DPP6: variants seen among roughly 807,000 people sequenced by gnomAD.
The protein encoded by DPP6 is dipeptidyl peptidase like 6.
A neutral mutation model predicts 122.6 loss-of-function variants in DPP6; 69 were observed. The observed-to-expected ratio is 0.56, with a 90% confidence interval of 0.46 to 0.69. DPP6 has a LOEUF of 0.69. Ranked by LOEUF, DPP6 falls within the 30% of genes least tolerant of loss-of-function variation. The pLI, the probability that DPP6 is intolerant of heterozygous loss-of-function variation, is 0.00. For synonymous variants in DPP6, 418 were observed against 433.1 expected (o/e 0.97, Z 0.43); for missense variants, 928 against 1,116.9 (o/e 0.83, Z 2.41).
At chr7:154,639,383 C>A (rs1489048677) in intron 6 of DPP6, among the ~76,000 whole-genome samples, 1 of 152,212 alleles carries the variant, frequency 6.6e-6, no homozygotes, top group East Asian at 1.9e-4. Context: ...TTATCCCATT[C>A]TTTCCCAAGC....
intron 1 of DPP6, among the ~76,000 whole-genome samples, chr7:154,061,460 A>G (rs1471614587): frequency 1.4e-5 from 2 of 146,972 alleles, no homozygotes; most frequent in Non-Finnish European, 3.0e-5. Context: ...TTGCTAAAGG[A>G]TGGCCCCCCT....
intron 1 of DPP6, among the ~76,000 whole-genome samples, chr7:154,308,437 A>G (rs1806566400): frequency 6.6e-6 from 1 of 152,174 alleles, no homozygotes; most frequent in African/African-American, 2.4e-5. Context: ...TTCTCTTTGG[A>G]GATGCTAAAG....
At chr7:153,922,637 C>T (rs976439315) in intron 1 of DPP6, among the ~76,000 whole-genome samples, 1 of 152,056 alleles carries the variant, frequency 6.6e-6, no homozygotes, top group African/African-American at 2.4e-5. Context: ...AATGGTATAC[C>T]ATATTTTAAT....
At chr7:154,331,791 T>C (rs923939807) in intron 1 of DPP6, among the ~76,000 whole-genome samples, 1 of 152,176 alleles carries the variant, frequency 6.6e-6, no homozygotes, top group Non-Finnish European at 1.5e-5. Flanking sequence ...TGCCAAAGAA[T>C]ACAGCCACTT....
In DPP6 at chr7:154,093,632, C is replaced by CACACACACACA. The variant is rs746381906; in HGVS notation, c.243+40569_243+40570insACACACACACA. 197 of 128,228 alleles carry CACACACACACA rather than the reference C, an allele frequency of 1.5e-3. 1 individual carries two copies. The highest frequency in any genetic ancestry group is 5.5e-3 in the African/African-American group (190 of 34,858). The allele number at this position is 128,228 out of a possible 1,614,324, so 7.9% of individuals were successfully genotyped here. ...CACCATACACACACACACACACACACCATACACACACACACACACACACAT... is the reference window on the plus strand; with the variant it reads ...CACCATACACACACACACACACACACACACACACACACATACACACACACACACACACACAT... On this transcript the variant is annotated intron_variant, in intron 1 of 25. Coordinates refer to ENST00000377770, the MANE Select transcript of DPP6 (RefSeq NM_130797.4).
chr7:154,884,499 T>C (rs1805916169), intron 21 of DPP6: 1 of 135,612 alleles, frequency 7.4e-6, no homozygotes, highest in African/African-American at 2.9e-5. Flanking sequence ...ACACACACGA[T>C]TACATACACA....
At chr7:154,433,887 T>C (rs1322976351) in intron 1 of DPP6, among the ~76,000 whole-genome samples, 1 of 152,208 alleles carries the variant, frequency 6.6e-6, no homozygotes, top group Non-Finnish European at 1.5e-5. Context: ...CACGTTCTTT[T>C]CCTCTGTTAC....
chr7:153,989,984 C>G (rs1449536848), intron 1 of DPP6, among the ~76,000 whole-genome samples: 1 of 134,768 alleles, frequency 7.4e-6, no homozygotes, highest in Non-Finnish European at 1.6e-5. Flanking sequence ...CAACAGCTCA[C>G]CCCCCTGCCA....
rs1563027349 is a variant in DPP6, at chr7:154,624,561, C to T, written c.628-13260C>T. 6.6e-6 allele frequency among the ~76,000 whole-genome samples: 1 copy of T among 152,176 alleles called. No homozygotes were observed. The highest frequency in any genetic ancestry group is 1.5e-5 in the Non-Finnish European group (1 of 68,034). ...GGGAGGGTGAGATGTCAGGGCTCAG[C>T]ATCTGCTTCCGAAGTTGTCACCAGG... On this transcript the variant is annotated intron_variant, in intron 5 of 25. Coordinates refer to ENST00000377770, the MANE Select transcript of DPP6 (RefSeq NM_130797.4). The surrounding 1 kb of genome is among the most constrained non-coding windows in gnomAD (Gnocchi z 4.7).
chr7:154,514,929 G>A (rs1826370206), intron 3 of DPP6, among the ~76,000 whole-genome samples: 1 of 152,142 alleles, frequency 6.6e-6, no homozygotes, highest in Non-Finnish European at 1.5e-5. Flanking sequence ...GGATCAAGTG[G>A]TAATTCTATG....
chr7:154,763,998 C>A (rs1400158544), intron 8 of DPP6, among the ~76,000 whole-genome samples: 2 of 151,606 alleles, frequency 1.3e-5, no homozygotes, highest in Non-Finnish European at 2.9e-5. Context: ...GATTTGGATG[C>A]CCCACCTCCA....
Position 154,403,524 on chromosome 7 carries a change from A to G in DPP6, c.244-42690A>G, listed in dbSNP as rs2151191251. On this transcript the variant is annotated intron_variant, in intron 1 of 25. Transcript: ENST00000377770. The surrounding 1 kb of genome is among the most constrained non-coding windows in gnomAD (Gnocchi z 4.1). ...TTCTCTCCTGGAGCCTCTCATCTCC[A>G]CCTGCTGCGGAAGCTCCTGTGCATC... Among the ~76,000 whole-genome samples, 1 of 152,276 alleles carries G rather than the reference A, an allele frequency of 6.6e-6. No homozygotes were observed. The highest frequency in any genetic ancestry group is 1.9e-4 in the East Asian group (1 of 5,168).
rs202125110 is a variant in DPP6 at position 154,481,329 on chromosome 7, GGAGA to G, written c.457+6304_457+6307del. Among the ~76,000 whole-genome samples, 1 of 140,898 alleles carries G rather than the reference GGAGA, an allele frequency of 7.1e-6. No individual in the cohort carries two copies. The highest frequency in any genetic ancestry group is 2.1e-4 in the East Asian group (1 of 4,812). The allele number at this position is 140,898 out of a possible 152,430, so 92.4% of individuals were successfully genotyped here. A position where few individuals can be genotyped will look rare whatever the true frequency, so the allele number is the denominator to read the frequency against. On this transcript the variant is annotated intron_variant, in intron 3 of 25. Transcript: ENST00000377770. The surrounding 1 kb of genome is among the most constrained non-coding windows in gnomAD (Gnocchi z 4.2). ...AAATGCTCTTCCGAGCTATACACTT[GGAGA>G]GAGAGAGAGAGGGGTGTGTGTGTGT... is the stretch of plus-strand genomic sequence containing the variant.
At chr7:153,916,999 T>G (rs1024078287) in intron 1 of DPP6, among the ~76,000 whole-genome samples, 1 of 152,216 alleles carries the variant, frequency 6.6e-6, no homozygotes, top group South Asian at 2.1e-4. Context: ...GTCCCAGAGC[T>G]TTGCTTTTCA....
At chr7:154,204,966 G>A (rs531344745) in intron 1 of DPP6, among the ~76,000 whole-genome samples, 39 of 152,220 alleles carry the variant, frequency 2.6e-4, no homozygotes, top group Non-Finnish European at 4.0e-4. Context: ...TGTCACAGGC[G>A]TTAGATGACA....
In DPP6 at chr7:154,095,949, C is replaced by T. The variant is rs1238967614; in HGVS notation, c.243+42886C>T. 7 of 135,758 alleles carry T rather than the reference C, an allele frequency of 5.2e-5. 1 individual carries two copies. Among genetic ancestry groups the T allele is most frequent in the Non-Finnish European group, 1.1e-4 (7 of 62,690 alleles). The allele number at this position is 135,758 out of a possible 1,614,324, so 8.4% of individuals were successfully genotyped here. A position where few individuals can be genotyped will look rare whatever the true frequency, so the allele number is the denominator to read the frequency against. On this transcript the variant is annotated intron_variant, in intron 1 of 25. Coordinates refer to ENST00000377770, the MANE Select transcript of DPP6 (RefSeq NM_130797.4). ...CCCTTTCACTCTGGGAGCTGAGTCC[C>T]AGGTGAGAGCTAAGTTCCAGGCGAG...
chr7:153,975,240 T>A (rs1177414049), intron 1 of DPP6, among the ~76,000 whole-genome samples: 2 of 10,596 alleles, frequency 1.9e-4, no homozygotes, highest in Non-Finnish European at 8.7e-4. Flanking sequence ...AATTCTTAGT[T>A]TAAAAAAAAA....
chr7:154,336,566 C>G (rs149984441), intron 1 of DPP6, among the ~76,000 whole-genome samples: 1 of 152,140 alleles, frequency 6.6e-6, no homozygotes. Context: ...TGGAACGTAA[C>G]GCCCACTTCA....
rs115228737 is a variant in DPP6, at chr7:153,906,399, G to A, written c.51+18665G>A. 3.7e-3 allele frequency among the ~76,000 whole-genome samples: 564 copies of A among 152,198 alleles called. 6 individuals carry two copies. The highest frequency in any genetic ancestry group is 0.013 in the African/African-American group (536 of 41,528). On this transcript the variant is annotated intron_variant, in intron 1 of 25. Transcript: ENST00000404039. ...CAGTGTCTATTATTGCACTCTATAC[G>A]TTGCTGTGTATCCATTGTTTAACTC...
Sources: allele counts gnomAD v4.1 joint callset (sites outside exome capture counted in the v4.1 genomes callset), GRCh38; gene constraint gnomAD v4.1.1; non-coding constraint Gnocchi (gnomAD v3.1); transcripts MANE v1.5; gene names NCBI Gene and HGNC (gene_info 2026-07-23, HGNC 2026-07-21).